RBBP8: variants seen among roughly 807,000 people sequenced by gnomAD.
The protein encoded by RBBP8 is RB binding protein 8, endonuclease.
In RBBP8, 88 loss-of-function variants were observed where a neutral mutation model predicts 108.3. The ratio of observed to expected loss-of-function variants is 0.81; its 90% CI spans 0.68 to 0.97. The LOEUF is 0.97. Among genes scored for constraint, RBBP8 ranks in the 50% least tolerant of loss-of-function variants. The probability of loss-of-function intolerance (pLI) is 0.00; values close to 1 mark genes in which losing one functional copy is unlikely to be tolerated. For missense variants in RBBP8, 1,023 were observed against 1,049.0 expected, an observed-to-expected ratio of 0.98 and a Z score of 0.34; for synonymous variants, 332 against 348.2, an observed-to-expected ratio of 0.95 and a Z score of 0.52.
At chr18:23,020,473 G>A (rs1188927746) in intron 17 of RBBP8, among the ~76,000 whole-genome samples, 1 of 151,926 alleles carries the variant, frequency 6.6e-6, no homozygotes, top group Admixed American at 6.6e-5. Context: ...GCAGTTATAG[G>A]TTCACAGCAA....
chr18:23,022,663 T>TAAATAAAATAAAATAAAATAAAATAA (rs1555650173), intron 18 of RBBP8, among the ~76,000 whole-genome samples: 1 of 99,744 alleles, frequency 1.0e-5, no homozygotes, highest in Non-Finnish European at 2.4e-5. Flanking sequence ...TAAAATAAAA[T>TAAATAAAATAAAATAAAATAAAATAA]AAAATAAATA....
At chr18:23,017,715 A>T (rs1210522210) in intron 17 of RBBP8, among the ~76,000 whole-genome samples, 5 of 151,602 alleles carry the variant, frequency 3.3e-5, no homozygotes, top group South Asian at 2.1e-4. Flanking sequence ...ATAATTTTTT[A>T]AAAATAATTG....
rs1910610470 is a variant in RBBP8 at position 22,936,778 on chromosome 18, T to A, written c.-74T>A. The A allele has an allele frequency of 7.6e-6, 12 of 1,578,224 alleles. No individual in the cohort carries two copies. The highest frequency in any genetic ancestry group is 1.1e-5 in the South Asian group (1 of 90,298). On this transcript the variant is annotated 5_prime_UTR_variant, in exon 2 of 19. The change creates a new upstream start codon in the 5' untranslated region. Coordinates refer to ENST00000327155, the MANE Select transcript of RBBP8 (RefSeq NM_002894.3). The stretch of plus-strand genomic sequence containing the variant: ...GGTATTTGACCTGTCCAAAGACGAC[T>A]TGATACCTCTATAATGTAACAGAAA...
At chr18:22,995,075 G>A (rs10048365) in intron 12 of RBBP8, among the ~76,000 whole-genome samples, 2,838 of 151,968 alleles carry the variant, frequency 0.019, 88 homozygotes, top group African/African-American at 0.063. Flanking sequence ...AAACATTTCT[G>A]TAGTTCAAGT....
chr18:22,937,089 T>C (rs1410029552), intron 2 of RBBP8, 129 bp downstream of exon 2: 1 of 1,498,578 alleles, frequency 6.7e-7, no homozygotes, highest in Non-Finnish European at 8.9e-7. Flanking sequence ...CATGTGCAGA[T>C]TTGGTACATG....
At chr18:22,957,267 T>A (rs1301810131) in intron 4 of RBBP8, among the ~76,000 whole-genome samples, 1 of 150,874 alleles carries the variant, frequency 6.6e-6, no homozygotes, top group Non-Finnish European at 1.5e-5. Context: ...CAGTATGAAT[T>A]ATACTTTGTT....
At chr18:23,013,316 T>C (rs779929640) in intron 16 of RBBP8, among the ~76,000 whole-genome samples, 5 of 152,000 alleles carry the variant, frequency 3.3e-5, no homozygotes, top group Non-Finnish European at 5.9e-5. Flanking sequence ...GAACGGGGAA[T>C]GGAGATTGGT....
chr18:22,924,127 G>GTTTTTTTTTTT lies in RBBP8; in HGVS notation c.-153-5246_-153-5236dup, dbSNP rs33978854. On this transcript the variant is annotated intron_variant, in intron 3 of 4. Coordinates refer to the RBBP8 transcript ENST00000577588. ...GCATTTTTTAGTTAGTTTGTTTTTG[G>GTTTTTTTTTTT]TTTTTTTTTTTTTTTTTTTTGAGAC... Among the ~76,000 whole-genome samples, 10 of 108,236 alleles carry GTTTTTTTTTTT rather than the reference G, an allele frequency of 9.2e-5. 1 individual carries two copies. Among genetic ancestry groups the GTTTTTTTTTTT allele is most frequent in the Non-Finnish European group, 1.4e-4 (8 of 56,806 alleles). The allele number at this position is 108,236 out of a possible 152,430, so 71.0% of individuals were successfully genotyped here.
At chr18:23,023,745 C>T (rs557878462) in intron 18 of RBBP8, among the ~76,000 whole-genome samples, 53 of 152,078 alleles carry the variant, frequency 3.5e-4, no homozygotes, top group African/African-American at 1.2e-3. Context: ...ATGAAATGCT[C>T]GAGTCCTTAG....
chr18:22,977,881 C>T (rs1167172325), intron 6 of RBBP8: 1 of 152,124 alleles, frequency 6.6e-6, no homozygotes, highest in Non-Finnish European at 1.5e-5. Flanking sequence ...GTCTTGTTTT[C>T]TCTAGAGTAA....
At position 23,012,207 on chromosome 18, in the gene RBBP8, C is replaced by CAAAAA. The variant is rs368600707; in HGVS notation, c.2358-4621_2358-4620insAAAAA. ...TGGGAGACAAAGTGAGATGCTGTCT[C>CAAAAA]CAAAAAAAAAAAAAAAAAAAAAAAC... On this transcript the variant is annotated intron_variant, in intron 16 of 18. Transcript: ENST00000327155. Among the ~76,000 whole-genome samples the CAAAAA allele has an allele frequency of 9.1e-3, 731 of 80,656 alleles. 125 individuals carry two copies. The highest frequency in any genetic ancestry group is 0.013 in the African/African-American group (285 of 21,338). The allele number at this position is 80,656 out of a possible 152,430, so 52.9% of individuals were successfully genotyped here. A position where few individuals can be genotyped will look rare whatever the true frequency, so the allele number is the denominator to read the frequency against.
At chr18:22,967,525 A>G (rs1913715740) in intron 4 of RBBP8, among the ~76,000 whole-genome samples, 1 of 152,188 alleles carries the variant, frequency 6.6e-6, no homozygotes, top group African/African-American at 2.4e-5. Flanking sequence ...ATCTCCCATA[A>G]TACTGTCACC....
chr18:22,921,027 A>C (rs1232489502), intron 3 of RBBP8, among the ~76,000 whole-genome samples: 1 of 152,222 alleles, frequency 6.6e-6, no homozygotes, highest in African/African-American at 2.4e-5. Flanking sequence ...CCATCCATGC[A>C]TGCAAATTTT....
intron 4 of RBBP8, among the ~76,000 whole-genome samples, chr18:22,966,221 GA>G (rs1183781169): frequency 6.6e-6 from 1 of 152,074 alleles, no homozygotes; most frequent in Non-Finnish European, 1.5e-5. Context: ...TGCAAGTGTT[GA>G]CTTTACCATC....
intron 1 of RBBP8, among the ~76,000 whole-genome samples, chr18:22,936,250 C>CTA (rs1411283550): frequency 6.6e-6 from 1 of 152,048 alleles, no homozygotes; most frequent in Non-Finnish European, 1.5e-5. Flanking sequence ...CACAGGCACG[C>CTA]ACTACCACAC....
At chr18:22,956,469 A>G (rs1464566496) in intron 4 of RBBP8, among the ~76,000 whole-genome samples, 1 of 152,106 alleles carries the variant, frequency 6.6e-6, no homozygotes, top group East Asian at 1.9e-4. Context: ...CCAGGTAGCT[A>G]GGACTACAGG....
chr18:22,938,881 A>G (rs893720261), intron 2 of RBBP8, among the ~76,000 whole-genome samples: 2 of 152,226 alleles, frequency 1.3e-5, no homozygotes, highest in African/African-American at 4.8e-5. Flanking sequence ...TAATTACAGT[A>G]CAGTGAAATA....
rs548635743 is a variant in RBBP8, at chr18:22,962,546, GT to G, written c.249-6251del. ...TTCCTCCCAAAGCACGTATCACCTT[GT>G]TTTTTTTTCCTTTTTCTTTTTTTGA... is the stretch of plus-strand genomic sequence containing the variant. On this transcript the variant is annotated intron_variant, in intron 4 of 18. Coordinates refer to ENST00000327155, the MANE Select transcript of RBBP8 (RefSeq NM_002894.3). 4.7e-5 allele frequency among the ~76,000 whole-genome samples: 7 copies of G among 150,136 alleles called. No individual in the cohort carries two copies. In the East Asian group the frequency reaches 9.8e-4, roughly 21 times the overall value.
intron 6 of RBBP8, among the ~76,000 whole-genome samples, chr18:22,980,273 A>T (rs1283327611): frequency 6.6e-6 from 1 of 152,174 alleles, no homozygotes; most frequent in African/African-American, 2.4e-5. Context: ...AATAAAAATG[A>T]GTAAATTGCA....
Sources: gnomAD v4.1 joint callset for allele counts (sites outside exome capture counted in the v4.1 genomes callset) on GRCh38, gnomAD v4.1.1 for gene constraint, MANE v1.5 for transcripts, NCBI Gene and HGNC (gene_info 2026-07-23, HGNC 2026-07-21) for gene names.